The following ADGRL3 variants were observed in gnomAD, a reference collection of about 807,000 sequenced individuals.
ADGRL3 encodes calcium-independent alpha-latrotoxin receptor 3.
In ADGRL3, 62 loss-of-function variants were observed where a neutral mutation model predicts 153.5. The ratio of observed to expected loss-of-function variants is 0.40; its 90% CI spans 0.33 to 0.50. The LOEUF is 0.50. ADGRL3 is among the 20% of genes least tolerant of loss of function. ADGRL3 has a pLI of 0.47. For missense variants in ADGRL3, 1,641 were observed against 1,859.4 expected, an observed-to-expected ratio of 0.88 and a Z score of 2.16; for synonymous variants, 710 against 672.5, an observed-to-expected ratio of 1.06 and a Z score of -0.86.
chr4:61,378,478 T>C (rs138024599), intron 1 of ADGRL3, among the ~76,000 whole-genome samples: 2,038 of 152,048 alleles, frequency 0.013, 59 homozygotes, highest in African/African-American at 0.047. Context: ...TAGAGATGAG[T>C]CTGTGCAAAA....
At chr4:61,781,469 A>G (rs1002567318) in intron 8 of ADGRL3, among the ~76,000 whole-genome samples, 2 of 152,144 alleles carry the variant, frequency 1.3e-5, no homozygotes, top group African/African-American at 4.8e-5. Flanking sequence ...ATGCATCATT[A>G]TAGTTTACTT....
At chr4:61,828,962 C>T (rs1055380416) in intron 9 of ADGRL3, among the ~76,000 whole-genome samples, 2 of 152,146 alleles carry the variant, frequency 1.3e-5, no homozygotes, top group Non-Finnish European at 2.9e-5. Flanking sequence ...AACTATTTCT[C>T]GTGGTCATGC....
intron 8 of ADGRL3, among the ~76,000 whole-genome samples, chr4:61,795,336 T>C (rs2097396859): frequency 6.6e-6 from 1 of 152,134 alleles, no homozygotes; most frequent in Admixed American, 6.5e-5. Flanking sequence ...AACATGTTGC[T>C]ATGCTGTTCT....
chr4:61,486,071 G>A (rs1348826524), intron 2 of ADGRL3, among the ~76,000 whole-genome samples: 1 of 152,056 alleles, frequency 6.6e-6, no homozygotes, highest in East Asian at 1.9e-4. Flanking sequence ...AGCCTCCCGA[G>A]TAGCTGGGAC....
intron 6 of ADGRL3, among the ~76,000 whole-genome samples, chr4:61,678,800 G>C (rs901039287): frequency 3.3e-5 from 5 of 151,932 alleles, no homozygotes; most frequent in African/African-American, 2.4e-5. Context: ...TAGCCTGATC[G>C]TGTCTGTTTA....
chr4:61,589,601 A>T (rs1389880144), intron 5 of ADGRL3, among the ~76,000 whole-genome samples: 1 of 152,078 alleles, frequency 6.6e-6, no homozygotes, highest in East Asian at 1.9e-4. Context: ...CTAGAAAGAG[A>T]CTATATCAGA....
chr4:61,315,623 TA>T (rs1488064102), intron 1 of ADGRL3, among the ~76,000 whole-genome samples: 6 of 152,148 alleles, frequency 3.9e-5, no homozygotes, highest in African/African-American at 1.4e-4. Context: ...GATATAAATG[TA>T]ATAGCATCTT....
chr4:61,710,628 C>T (rs10006906), intron 6 of ADGRL3, among the ~76,000 whole-genome samples: 106,424 of 152,016 alleles, frequency 0.7, 38,125 homozygotes, highest in East Asian at 0.94. Context: ...AGATAAATGA[C>T]GCTAAACTTG....
At chr4:61,882,934 G>A (rs929007833) in intron 9 of ADGRL3, among the ~76,000 whole-genome samples, 7 of 152,050 alleles carry the variant, frequency 4.6e-5, no homozygotes, top group Non-Finnish European at 5.9e-5. Flanking sequence ...GTGAAACCCC[G>A]TCTCTACTAG....
chr4:61,449,625 T>C (rs2097650035), intron 2 of ADGRL3, among the ~76,000 whole-genome samples: 1 of 152,172 alleles, frequency 6.6e-6, no homozygotes, highest in African/African-American at 2.4e-5. Flanking sequence ...GTCTGGACTA[T>C]TAACAAAGCA....
chr4:61,712,860 G>T (rs1186572329), intron 6 of ADGRL3, among the ~76,000 whole-genome samples: 3 of 152,076 alleles, frequency 2.0e-5, no homozygotes, highest in Non-Finnish European at 4.4e-5. Context: ...ATACATTTAT[G>T]TTCTGCATTT....
intron 9 of ADGRL3, among the ~76,000 whole-genome samples, chr4:61,839,384 A>C (rs2097990100): frequency 6.6e-6 from 1 of 151,692 alleles, no homozygotes; most frequent in Non-Finnish European, 1.5e-5. Context: ...TTGTAGATAC[A>C]GAGTTCTCAC....
In ADGRL3 at chr4:61,547,627, A is replaced by G. The variant is rs190453218; in HGVS notation, c.259+30109A>G. Among the ~76,000 whole-genome samples the G allele has an allele frequency of 2.4e-3, 361 of 152,170 alleles. 7 individuals are homozygous for G. The South Asian group carries it at 0.03, about 13-fold the overall frequency. On this transcript the variant is annotated intron_variant, in intron 4 of 26. Coordinates refer to ENST00000683033, the MANE Select transcript of ADGRL3 (RefSeq NM_001387552.1). ...ATGGCTGCATAGTTTTCCATGGTGT[A>G]TATGTACCATGTTATCCAGTATACC...
intron 17 of ADGRL3, among the ~76,000 whole-genome samples, chr4:61,967,663 G>T (rs1297942244): frequency 6.6e-6 from 1 of 152,140 alleles, no homozygotes; most frequent in Non-Finnish European, 1.5e-5. Context: ...CAAGTCCTTT[G>T]CATCTATGAA....
chr4:62,050,670 G>A (rs893913726), intron 25 of ADGRL3, among the ~76,000 whole-genome samples: 1 of 151,618 alleles, frequency 6.6e-6, no homozygotes, highest in African/African-American at 2.4e-5. Flanking sequence ...AAGCTACTAG[G>A]GCAAAACACT....
chr4:61,345,396 TTAAA>T (rs1485829205), intron 1 of ADGRL3, among the ~76,000 whole-genome samples: 2 of 152,174 alleles, frequency 1.3e-5, no homozygotes, highest in Non-Finnish European at 1.5e-5. Flanking sequence ...ACTGTTATGA[TTAAA>T]TAATTACATA....
At chr4:61,579,456 A>G in intron 4 of ADGRL3, 1 of 271,448 alleles carries the variant, frequency 3.7e-6, no homozygotes, top group Non-Finnish European at 7.6e-6. Flanking sequence ...GTGGAAAGTG[A>G]TTTCTATTAA....
chr4:61,223,874 A>T lies in ADGRL3; in HGVS notation c.-240+22109A>T, dbSNP rs1017346948. Among the ~76,000 whole-genome samples the T allele has an allele frequency of 2.0e-5, 3 of 151,920 alleles. No homozygotes were observed. In the East Asian group the frequency reaches 5.8e-4, roughly 29 times the overall value. On this transcript the variant is annotated intron_variant, in intron 1 of 26. Coordinates refer to ENST00000683033, the MANE Select transcript of ADGRL3 (RefSeq NM_001387552.1). The stretch of plus-strand genomic sequence containing the variant: ...ATTTGTGGGCGTTTCCAAATATAAC[A>T]CTCTGAATTATGAGTTTATAAAATG...
At chr4:62,031,994 T>G (rs11931728) in intron 23 of ADGRL3, among the ~76,000 whole-genome samples, 1 of 72,300 alleles carries the variant, frequency 1.4e-5, no homozygotes, top group Non-Finnish European at 3.9e-5. Context: ...CACACACACA[T>G]GGATATATAT....
Sources: allele counts gnomAD v4.1 joint callset (sites outside exome capture counted in the v4.1 genomes callset), GRCh38; gene constraint gnomAD v4.1.1; transcripts MANE v1.5; gene names NCBI Gene and HGNC (gene_info 2026-07-23, HGNC 2026-07-21).